The following CSRNP3 variants were observed in gnomAD, a reference collection of about 807,000 sequenced individuals.
CSRNP3 encodes the protein cysteine and serine rich nuclear protein 3.
CSRNP3 carries 12 observed loss-of-function variants against 48.0 expected under a neutral mutation model. The ratio of observed to expected loss-of-function variants is 0.25; its 90% CI spans 0.16 to 0.41. The LOEUF is 0.41. Ranked by LOEUF, CSRNP3 falls within the 10% of genes least tolerant of loss-of-function variation. The pLI is 1.00. For synonymous variants in CSRNP3, 263 were observed against 269.7 expected, an observed-to-expected ratio of 0.98 and a Z score of 0.24; for missense variants, 580 against 724.4, an observed-to-expected ratio of 0.80 and a Z score of 2.29.
At chr2:165,485,908 G>A (rs531239300) in intron 1 of CSRNP3, among the ~76,000 whole-genome samples, 1 of 152,136 alleles carries the variant, frequency 6.6e-6, no homozygotes, top group African/African-American at 2.4e-5. Context: ...AGGTGCCTCA[G>A]CCATCATCAA....
chr2:165,560,466 T>C (rs1574837837), intron 3 of CSRNP3, among the ~76,000 whole-genome samples: 1 of 152,310 alleles, frequency 6.6e-6, no homozygotes, highest in East Asian at 1.9e-4. Flanking sequence ...TCTTTCTCTT[T>C]TCCTGCATCC....
chr2:165,471,944 G>C (rs972285997), intron 1 of CSRNP3, among the ~76,000 whole-genome samples: 1 of 151,978 alleles, frequency 6.6e-6, no homozygotes. Context: ...ACCATGTAAG[G>C]CTTTCAGTGA....
At chr2:165,476,953 T>C (rs1395700713) in intron 1 of CSRNP3, among the ~76,000 whole-genome samples, 1 of 152,186 alleles carries the variant, frequency 6.6e-6, no homozygotes, top group Admixed American at 6.5e-5. Flanking sequence ...GTATTTGTAA[T>C]GACTTCCTAA....
rs542953305 is a variant in CSRNP3, at chr2:165,648,235, T to C, written c.149-9526T>C. Among the ~76,000 whole-genome samples the C allele has an allele frequency of 1.8e-4, 28 of 152,248 alleles. No individual in the cohort carries two copies. In the East Asian group the frequency reaches 5.4e-3, roughly 29 times the overall value. On this transcript the variant is annotated intron_variant, in intron 4 of 6. Coordinates refer to ENST00000651982, the MANE Select transcript of CSRNP3 (RefSeq NM_001172173.2). ...TCTATAAATTTGATTGATTTATTGA[T>C]GCAAAAGGAAAATCATATATCTAAA... is the stretch of plus-strand genomic sequence containing the variant.
chr2:165,552,451 G>A (rs1034730456), intron 3 of CSRNP3, among the ~76,000 whole-genome samples: 4 of 152,156 alleles, frequency 2.6e-5, no homozygotes, highest in Admixed American at 1.3e-4. Context: ...TTAGGCGATT[G>A]TCAACTGTGG....
chr2:165,677,500 A>G (rs1265627012), intron 6 of CSRNP3, among the ~76,000 whole-genome samples: 1 of 152,110 alleles, frequency 6.6e-6, no homozygotes. Context: ...CAATAAGGAA[A>G]GCAACTCAGG....
At chr2:165,519,095 G>A (rs1000307767) in intron 3 of CSRNP3, among the ~76,000 whole-genome samples, 12 of 151,954 alleles carry the variant, frequency 7.9e-5, no homozygotes, top group Non-Finnish European at 4.4e-5. Flanking sequence ...TGTGAATGTC[G>A]TTCCATTACA....
intron 3 of CSRNP3, among the ~76,000 whole-genome samples, chr2:165,585,588 C>A (rs151131811): frequency 2.6e-5 from 4 of 152,172 alleles, no homozygotes; most frequent in African/African-American, 9.7e-5. Context: ...CTGATTGAAG[C>A]AAGCACCCTT....
intron 1 of CSRNP3, among the ~76,000 whole-genome samples, chr2:165,471,098 G>C (rs1683889702): frequency 6.6e-6 from 1 of 151,784 alleles, no homozygotes; most frequent in Non-Finnish European, 1.5e-5. Flanking sequence ...TGAGAAAATT[G>C]CTGAATATTA....
chr2:165,589,179 A>T (rs1446832596), intron 3 of CSRNP3, among the ~76,000 whole-genome samples: 1 of 152,196 alleles, frequency 6.6e-6, no homozygotes, highest in African/African-American at 2.4e-5. Flanking sequence ...CCAACACAGT[A>T]TAAACAAATC....
At chr2:165,607,124 A>AT (rs1686042341) in intron 4 of CSRNP3, among the ~76,000 whole-genome samples, 1 of 152,156 alleles carries the variant, frequency 6.6e-6, no homozygotes, top group Admixed American at 6.5e-5. Flanking sequence ...ATGAAAGTCC[A>AT]TAGATTTCCT....
At chr2:165,660,454 C>G (rs754789822) in intron 5 of CSRNP3, among the ~76,000 whole-genome samples, 8 of 152,068 alleles carry the variant, frequency 5.3e-5, no homozygotes, top group Non-Finnish European at 7.4e-5. Flanking sequence ...AGTCTTTGTA[C>G]CTTTGGGGAG....
intron 4 of CSRNP3, among the ~76,000 whole-genome samples, chr2:165,600,090 C>A (rs529312010): frequency 4.3e-5 from 6 of 139,658 alleles, no homozygotes; most frequent in South Asian, 2.5e-4. Context: ...CCGCTCCCCC[C>A]ACCCCACAAC....
At chr2:165,543,159 C>T (rs1295870998) in intron 3 of CSRNP3, among the ~76,000 whole-genome samples, 1 of 152,244 alleles carries the variant, frequency 6.6e-6, no homozygotes, top group East Asian at 1.9e-4. Flanking sequence ...CTTTACTAGA[C>T]CAGGTTGCCT....
intron 3 of CSRNP3, among the ~76,000 whole-genome samples, chr2:165,526,718 A>G (rs1558925327): frequency 6.6e-6 from 1 of 152,214 alleles, no homozygotes. Context: ...TCAATAAAGT[A>G]GGCATAGAGT....
rs966716537 is a variant in CSRNP3 at position 165,475,806 on chromosome 2, A to T, written c.-283+6066A>T. On this transcript the variant is annotated intron_variant, in intron 1 of 6. Coordinates refer to ENST00000651982, the MANE Select transcript of CSRNP3 (RefSeq NM_001172173.2). ...TCACCTAAATGTCATTAAGCCATGCAAGGTTTTGTCTTGCAGACTTTTTAT... is the reference window on the plus strand; with the variant it reads ...TCACCTAAATGTCATTAAGCCATGCTAGGTTTTGTCTTGCAGACTTTTTAT... 2.6e-5 allele frequency among the ~76,000 whole-genome samples: 4 copies of T among 152,218 alleles called. No homozygotes were observed. The East Asian group carries it at 5.8e-4, about 22-fold the overall frequency.
Position 165,688,696 on chromosome 2 carries a change from T to C in CSRNP3, c.*8943T>C, listed in dbSNP as rs1475550161. ...AATGATCCAAAGGACTTGGGTGTTA[T>C]CCTTCAGTCTGTGTTGAACCATTCA... On this transcript the variant is annotated 3_prime_UTR_variant, in exon 7 of 7. Coordinates refer to ENST00000651982, the MANE Select transcript of CSRNP3 (RefSeq NM_001172173.2). The C allele has an allele frequency of 1.3e-5, 2 of 152,130 alleles. No individual in the cohort carries two copies. Among genetic ancestry groups the C allele is most frequent in the Non-Finnish European group, 2.9e-5 (2 of 67,998 alleles). 9.4% of individuals were successfully genotyped at this position (152,130 alleles called of 1,614,324 possible).
intron 1 of CSRNP3, among the ~76,000 whole-genome samples, chr2:165,492,496 C>T (rs1425877066): frequency 6.6e-6 from 1 of 151,946 alleles, no homozygotes; most frequent in Non-Finnish European, 1.5e-5. Flanking sequence ...TTGGTTCCCT[C>T]ACCTCCTCCA....
chr2:165,586,500 A>T (rs1339924201), intron 3 of CSRNP3, among the ~76,000 whole-genome samples: 1 of 152,090 alleles, frequency 6.6e-6, no homozygotes, highest in Non-Finnish European at 1.5e-5. Context: ...CCAAATGTCA[A>T]TTTTTTTAAT....
Sources: allele counts gnomAD v4.1 joint callset (sites outside exome capture counted in the v4.1 genomes callset), GRCh38; gene constraint gnomAD v4.1.1; transcripts MANE v1.5; gene names NCBI Gene and HGNC (gene_info 2026-07-23, HGNC 2026-07-21).